ANKMY1: variants seen among roughly 807,000 people sequenced by gnomAD.
ANKMY1 encodes ankyrin repeat and MYND domain-containing protein 1.
ANKMY1 carries 98 observed loss-of-function variants against 102.0 expected under a neutral mutation model. That is an observed-to-expected ratio of 0.96 (90% CI 0.82 to 1.14). ANKMY1 has a LOEUF of 1.14. Ranked by LOEUF, ANKMY1 falls within the 50% of genes most tolerant of loss-of-function variation. ANKMY1 has a pLI of 0.00. For missense variants in ANKMY1, 1,330 were observed against 1,347.6 expected, an observed-to-expected ratio of 0.99 and a Z score of 0.20; for synonymous variants, 582 against 559.9, an observed-to-expected ratio of 1.04 and a Z score of -0.56.
At position 240,507,613 on chromosome 2, in the gene ANKMY1, C is replaced by T. The variant is rs2079323546; in HGVS notation, c.2473G>A (p.Ala825Thr). The T allele has an allele frequency of 1.2e-6, 2 of 1,611,864 alleles. No individual in the cohort carries two copies. Among genetic ancestry groups the T allele is most frequent in the South Asian group, 1.1e-5 (1 of 90,304 alleles). ...TKGLGSALCV[A>T]CDLTYEHQRN... ...TGGTGCTCGTAGGTCAGGTCACAGG[C>T]AACACACAGGGCACTGCCCAAGCCT... The change falls in exon 13 of 18, where the codon GCC (alanine) becomes ACC (threonine). Residue 825 changes from alanine to threonine, a missense_variant. Coordinates refer to ENST00000401804, the MANE Select transcript of ANKMY1 (RefSeq NM_001282771.3).
At chr2:240,507,067 T>C (rs1222229682) in intron 13 of ANKMY1, among the ~76,000 whole-genome samples, 3 of 152,066 alleles carry the variant, frequency 2.0e-5, no homozygotes, top group Non-Finnish European at 2.9e-5. Context: ...TCCTGAATCT[T>C]GTTTTCACCG....
intron 9 of ANKMY1, among the ~76,000 whole-genome samples, chr2:240,513,443 C>T (rs574137726): frequency 6.4e-4 from 97 of 152,386 alleles, no homozygotes; most frequent in African/African-American, 2.2e-3. Flanking sequence ...CCTCTGGAGG[C>T]AGCCCTGCCG....
At chr2:240,532,244 G>A (rs911932331) in intron 4 of ANKMY1, 1 of 349,410 alleles carries the variant, frequency 2.9e-6, no homozygotes, top group African/African-American at 2.2e-5. Context: ...AAAGATGGAA[G>A]CCAGGAAACA....
downstream of ANKMY1, among the ~76,000 whole-genome samples, chr2:240,475,183 CT>C (rs2074773792): frequency 6.6e-6 from 1 of 152,140 alleles, no homozygotes; most frequent in African/African-American, 2.4e-5. Context: ...TGATATTAAG[CT>C]TTTTTCATAT....
At chr2:240,471,694 A>T in the ANKMY1 span, among the ~76,000 whole-genome samples, 2 of 152,194 alleles carry the variant, frequency 1.3e-5, no homozygotes, top group Non-Finnish European at 2.9e-5. Flanking sequence ...TTTGGCAGCC[A>T]TCCACACACA....
rs1363183987 is a variant in ANKMY1, at chr2:240,529,955, A to C, written c.481-446T>G. Among the ~76,000 whole-genome samples the C allele has an allele frequency of 2.7e-5, 4 of 150,674 alleles. No homozygotes were observed. Among genetic ancestry groups the C allele is most frequent in the Admixed American group, 2.6e-4 (4 of 15,134 alleles). On this transcript the variant is annotated intron_variant, in intron 4 of 17. Transcript: ENST00000401804. The surrounding 1 kb of genome is among the most constrained non-coding windows in gnomAD (Gnocchi z 4.2). ...CAGGAGAAGGAGGAGGAGATAGAGG[A>C]AAGGAAGAGGAGGAGGAGGAAGAGG...
chr2:240,482,267 T>C lies in ANKMY1; in HGVS notation c.2807-6A>G. 3 of 1,610,106 alleles carry C rather than the reference T, an allele frequency of 1.9e-6. No individual in the cohort carries two copies. Among genetic ancestry groups the C allele is most frequent in the Non-Finnish European group, 2.5e-6 (3 of 1,178,426 alleles). On this transcript the variant is annotated splice_region_variant and splice_polypyrimidine_tract_variant and intron_variant, in intron 15 of 17. Coordinates refer to ENST00000401804, the MANE Select transcript of ANKMY1 (RefSeq NM_001282771.3). ...GTGGCTGGGGATCAGCTCCGCTGCA[T>C]GAGAGAGGGTCCCGCATTAGTACCC...
intron 4 of ANKMY1, among the ~76,000 whole-genome samples, chr2:240,541,216 A>G (rs2088680849): frequency 6.6e-6 from 1 of 152,034 alleles, no homozygotes; most frequent in East Asian, 1.9e-4. Flanking sequence ...GGCTCTTCTT[A>G]ATTTGGGAAA....
At chr2:240,553,379 TG>T (rs1419168668) in intron 3 of ANKMY1, 9 of 333,604 alleles carry the variant, frequency 2.7e-5, no homozygotes, top group Admixed American at 1.7e-4. Flanking sequence ...ATCTTAGGTT[TG>T]GAGGGTCCTG....
chr2:240,530,827 C>T (rs934983847), intron 4 of ANKMY1, among the ~76,000 whole-genome samples: 1 of 151,990 alleles, frequency 6.6e-6, no homozygotes, highest in African/African-American at 2.4e-5. Flanking sequence ...TTGGAAGGCT[C>T]GCTTGAGACC....
At chr2:240,526,175 T>C (rs2083351558) in intron 6 of ANKMY1, 54 bp downstream of exon 6, 2 of 1,604,754 alleles carry the variant, frequency 1.2e-6, no homozygotes, top group Non-Finnish European at 1.7e-6. Flanking sequence ...CCCACATGTG[T>C]GACCCTCACA....
At chr2:240,550,432 G>A (rs1220102399) in intron 4 of ANKMY1, among the ~76,000 whole-genome samples, 2 of 151,474 alleles carry the variant, frequency 1.3e-5, no homozygotes, top group Admixed American at 6.6e-5. Flanking sequence ...GTTAGTGGGT[G>A]CAGCATACCA....
rs1216755065 is a variant in ANKMY1 at position 240,482,299 on chromosome 2, C to G, written c.2807-38G>C. The G allele has an allele frequency of 6.3e-6, 10 of 1,587,466 alleles. No individual in the cohort carries two copies. In the Admixed American group the frequency reaches 1.8e-4, roughly 28 times the overall value. Reference sequence around the variant, plus strand: ...GGGTCCCGCATTAGTACCCACGTGGCAGGGTGGGGGCCACCACTGCAGAAG... The same window carrying G: ...GGGTCCCGCATTAGTACCCACGTGGGAGGGTGGGGGCCACCACTGCAGAAG... On this transcript the variant is annotated intron_variant, in intron 15 of 17. Coordinates refer to ENST00000401804, the MANE Select transcript of ANKMY1 (RefSeq NM_001282771.3).
At chr2:240,490,382 CT>C in intron 15 of ANKMY1, among the ~76,000 whole-genome samples, 1 of 152,164 alleles carries the variant, frequency 6.6e-6, no homozygotes, top group South Asian at 2.1e-4. Flanking sequence ...AATCTTTCTA[CT>C]TTTTTGCTGT....
chr2:240,480,394 C>T (rs1242877351), intron 17 of ANKMY1, among the ~76,000 whole-genome samples: 2 of 152,238 alleles, frequency 1.3e-5, no homozygotes, highest in Non-Finnish European at 2.9e-5. Context: ...ACCCTTGCGG[C>T]ACCGGGCCCT....
intron 15 of ANKMY1, among the ~76,000 whole-genome samples, chr2:240,488,205 C>T (rs1277109127): frequency 6.6e-6 from 1 of 152,190 alleles, no homozygotes; most frequent in Non-Finnish European, 1.5e-5. Flanking sequence ...CCAATTTTCC[C>T]AGCACCATTT....
At chr2:240,546,812 TA>T (rs1246248984) in intron 4 of ANKMY1, among the ~76,000 whole-genome samples, 11 of 152,344 alleles carry the variant, frequency 7.2e-5, no homozygotes, top group Middle Eastern at 6.8e-3. Flanking sequence ...AAGAGCTAAC[TA>T]TCCTAAATAT....
chr2:240,532,755 CAA>C (rs1231688635), intron 4 of ANKMY1, among the ~76,000 whole-genome samples: 3 of 152,240 alleles, frequency 2.0e-5, no homozygotes, highest in Non-Finnish European at 4.4e-5. Context: ...CATCACCACC[CAA>C]AGTTTCCTCC....
At chr2:240,487,259 A>C (rs1414627754) in intron 15 of ANKMY1, among the ~76,000 whole-genome samples, 1 of 152,216 alleles carries the variant, frequency 6.6e-6, no homozygotes, top group Non-Finnish European at 1.5e-5. Flanking sequence ...GGCTTATTTC[A>C]CTAAGATACT....
Sources: allele counts gnomAD v4.1 joint callset (sites outside exome capture counted in the v4.1 genomes callset), GRCh38; gene constraint gnomAD v4.1.1; non-coding constraint Gnocchi (gnomAD v3.1); transcripts MANE v1.5; gene names NCBI Gene and HGNC (gene_info 2026-07-23, HGNC 2026-07-21).